RBMS3: variants seen among roughly 807,000 people sequenced by gnomAD.
The protein encoded by RBMS3 is RNA-binding motif, single-stranded-interacting protein 3.
Under a neutral mutation model 66.8 loss-of-function variants are expected in RBMS3, and 27 were observed. That is an observed-to-expected ratio of 0.40 (90% CI 0.30 to 0.56). RBMS3 has a LOEUF of 0.56. Ranked by LOEUF, RBMS3 falls within the 20% of genes least tolerant of loss-of-function variation. RBMS3 has a pLI of 0.40. For missense variants in RBMS3, 513 were observed against 549.5 expected (o/e 0.93, Z 0.66); for synonymous variants, 188 against 183.0 (o/e 1.03, Z -0.22).
At chr3:29,549,959 TA>T (rs945809030) in intron 3 of RBMS3, among the ~76,000 whole-genome samples, 6 of 151,900 alleles carry the variant, frequency 3.9e-5, no homozygotes, top group South Asian at 2.1e-4. Flanking sequence ...ATATAGGCAT[TA>T]AAAAAAATGA....
At chr3:29,644,496 G>A (rs1420095662) in intron 4 of RBMS3, among the ~76,000 whole-genome samples, 1 of 152,142 alleles carries the variant, frequency 6.6e-6, no homozygotes, top group Non-Finnish European at 1.5e-5. Context: ...AGAGCCTAAC[G>A]TGTCTCAGAT....
chr3:29,563,858 C>T (rs1021585318), intron 3 of RBMS3, among the ~76,000 whole-genome samples: 1 of 151,790 alleles, frequency 6.6e-6, no homozygotes, highest in African/African-American at 2.4e-5. Context: ...TACTCTGTCT[C>T]TACAAAAAAT....
At chr3:29,471,846 T>C (rs1259960739) in intron 2 of RBMS3, among the ~76,000 whole-genome samples, 1 of 151,990 alleles carries the variant, frequency 6.6e-6, no homozygotes, top group African/African-American at 2.4e-5. Flanking sequence ...TACTTCTGTT[T>C]GCATATTTTT....
intron 6 of RBMS3, among the ~76,000 whole-genome samples, chr3:29,803,435 A>C (rs1377042032): frequency 6.6e-6 from 1 of 152,168 alleles, no homozygotes; most frequent in African/African-American, 2.4e-5. Flanking sequence ...TCCCCATCAC[A>C]GCATAATATA....
intron 1 of RBMS3, among the ~76,000 whole-genome samples, chr3:29,315,535 G>A (rs950954268): frequency 4.6e-5 from 7 of 151,690 alleles, no homozygotes; most frequent in African/African-American, 1.4e-4. Context: ...TGTAAGGCTA[G>A]GGACATTGTT....
chr3:29,688,910 G>T (rs986614587), intron 4 of RBMS3, among the ~76,000 whole-genome samples: 12 of 152,016 alleles, frequency 7.9e-5, no homozygotes, highest in African/African-American at 2.7e-4. Context: ...GACTGATGGA[G>T]AGATTTTTTC....
rs201554479 is a variant in RBMS3, at chr3:29,752,928, T to C, written c.558-9982T>C. On this transcript the variant is annotated intron_variant, in intron 5 of 14. Transcript: ENST00000383767. The stretch of plus-strand genomic sequence containing the variant: ...TCTTAAACAAAAGTAAGGTTGGTTT[T>C]ATAAACTTTAAGGCACTGTTTTTCC... Among the ~76,000 whole-genome samples the C allele has an allele frequency of 3.3e-5, 5 of 152,352 alleles. No individual in the cohort carries two copies. In the East Asian group the frequency reaches 9.6e-4, roughly 29 times the overall value.
intron 4 of RBMS3, chr3:29,730,847 G>T (rs1051837851): frequency 8.2e-6 from 8 of 974,636 alleles, no homozygotes; most frequent in Non-Finnish European, 9.8e-6. Flanking sequence ...ACTATAGAGA[G>T]ATCTCAATAT....
At chr3:29,674,064 T>A (rs942423642) in intron 4 of RBMS3, among the ~76,000 whole-genome samples, 11 of 152,198 alleles carry the variant, frequency 7.2e-5, no homozygotes, top group African/African-American at 2.7e-4. Context: ...CATGATCAAG[T>A]GGGCTTTATT....
At chr3:29,974,163 C>T (rs1697404870) in intron 12 of RBMS3, among the ~76,000 whole-genome samples, 1 of 151,900 alleles carries the variant, frequency 6.6e-6, no homozygotes, top group South Asian at 2.1e-4. Flanking sequence ...CTCAACACTT[C>T]CTAGAAATCT....
chr3:29,355,481 A>G (rs1398109347), intron 1 of RBMS3, among the ~76,000 whole-genome samples: 3 of 150,436 alleles, frequency 2.0e-5, no homozygotes, highest in Non-Finnish European at 3.0e-5. Flanking sequence ...CATTTTTAAT[A>G]TCTTTGGAAC....
At chr3:29,993,662 G>A (rs1382924595) in intron 14 of RBMS3, among the ~76,000 whole-genome samples, 2 of 152,178 alleles carry the variant, frequency 1.3e-5, no homozygotes, top group Non-Finnish European at 2.9e-5. Context: ...GACTGCTAGA[G>A]CTAGGACATT....
intron 2 of RBMS3, among the ~76,000 whole-genome samples, chr3:29,483,400 G>C (rs996171554): frequency 6.6e-6 from 1 of 152,010 alleles, no homozygotes; most frequent in Non-Finnish European, 1.5e-5. Flanking sequence ...TTTGCTGTTT[G>C]TGTGTTAGTC....
At chr3:29,473,853 C>T (rs1048926892) in intron 2 of RBMS3, among the ~76,000 whole-genome samples, 12 of 152,256 alleles carry the variant, frequency 7.9e-5, no homozygotes, top group African/African-American at 1.4e-4. Context: ...GCAAGCGCCG[C>T]GCGCAGCCCC....
At chr3:29,619,615 T>C (rs2048798559) in intron 4 of RBMS3, among the ~76,000 whole-genome samples, 1 of 152,210 alleles carries the variant, frequency 6.6e-6, no homozygotes, top group African/African-American at 2.4e-5. Flanking sequence ...AGCCTCAGTG[T>C]ATCCATCTAT....
chr3:29,408,244 C>T (rs2040111548), intron 1 of RBMS3, among the ~76,000 whole-genome samples: 1 of 141,236 alleles, frequency 7.1e-6, no homozygotes, highest in Non-Finnish European at 1.5e-5. Flanking sequence ...TGCACTCCAG[C>T]CTGGATGACA....
chr3:29,664,950 TA>T (rs2149236378), intron 4 of RBMS3, among the ~76,000 whole-genome samples: 1 of 152,056 alleles, frequency 6.6e-6, no homozygotes, highest in Non-Finnish European at 1.5e-5. Context: ...TTATTTAAGT[TA>T]ATGGGAGGAA....
intron 4 of RBMS3, among the ~76,000 whole-genome samples, chr3:29,667,946 A>G (rs1327533995): frequency 6.6e-6 from 1 of 152,186 alleles, no homozygotes; most frequent in African/African-American, 2.4e-5. Context: ...GTAAGAAGTA[A>G]CCAATCAGAA....
chr3:30,002,007 T>A (rs977807755), intron 14 of RBMS3, among the ~76,000 whole-genome samples: 2 of 151,976 alleles, frequency 1.3e-5, no homozygotes, highest in African/African-American at 4.8e-5. Context: ...GCAAGATCCT[T>A]TTTACTTCAA....
Sources: gnomAD v4.1 joint callset for allele counts (sites outside exome capture counted in the v4.1 genomes callset) on GRCh38, gnomAD v4.1.1 for gene constraint, MANE v1.5 for transcripts, NCBI Gene and HGNC (gene_info 2026-07-23, HGNC 2026-07-21) for gene names.